The following MTMR14 variants were observed in gnomAD, a reference collection of about 807,000 sequenced individuals.
MTMR14 encodes phosphatidylinositol-3,5-bisphosphate 3-phosphatase MTMR14.
MTMR14 carries 48 observed loss-of-function variants against 86.3 expected under a neutral mutation model. That is an observed-to-expected ratio of 0.56 (90% CI 0.44 to 0.71). The LOEUF is 0.71. MTMR14 is among the 30% of genes least tolerant of loss of function. The pLI, the probability that MTMR14 is intolerant of heterozygous loss-of-function variation, is 0.00. For synonymous variants in MTMR14, 366 were observed against 326.1 expected (o/e 1.12, Z -1.32); for missense variants, 780 against 834.6 (o/e 0.93, Z 0.81).
At chr3:9,692,483 TCAGCGA>T (rs1224102977) in intron 17 of MTMR14, among the ~76,000 whole-genome samples, 2 of 152,234 alleles carry the variant, frequency 1.3e-5, no homozygotes, top group Non-Finnish European at 2.9e-5. Context: ...AAATCTCTCA[TCAGCGA>T]CAGGGTTGAG....
At position 9,697,774 on chromosome 3, in the gene MTMR14, A is replaced by G. The variant is rs745574290; in HGVS notation, c.1677A>G (p.Val559=). 2 of 1,613,992 alleles carry G rather than the reference A, an allele frequency of 1.2e-6. No individual in the cohort carries two copies. Among genetic ancestry groups the G allele is most frequent in the South Asian group, 2.2e-5 (2 of 91,082 alleles). ...CAGACTATGGCAGCTGGCAGATGGT[A>G]ACGGGCTGTGGCAGTATTCAGGAGC... is the stretch of plus-strand genomic sequence containing the variant. ...LSTDYGSWQM[V]TGCGSIQERA... Residue 559 remains valine, a synonymous_variant, in exon 18 of 19, where the codon GTA becomes GTG. Transcript: ENST00000296003.
In MTMR14 at chr3:9,677,717, A is replaced by G. The variant is rs1343551473; in HGVS notation, c.823-267A>G. ...CTTCCCCAGCCTGTAGGGGCAGGCT[A>G]TGGGAAACCTGCCGGAAGCTGAACA... On this transcript the variant is annotated intron_variant, in intron 8 of 18. Coordinates refer to ENST00000296003, the MANE Select transcript of MTMR14 (RefSeq NM_001077525.3). The surrounding 1 kb of genome is among the most constrained non-coding windows in gnomAD (Gnocchi z 4.2). Among the ~76,000 whole-genome samples, 3 of 152,168 alleles carry G rather than the reference A, an allele frequency of 2.0e-5. No individual in the cohort carries two copies. Among genetic ancestry groups the G allele is most frequent in the South Asian group, 2.1e-4 (1 of 4,838 alleles).
chr3:9,651,340 C>T (rs1343599553), intron 1 of MTMR14, among the ~76,000 whole-genome samples: 2 of 151,416 alleles, frequency 1.3e-5, no homozygotes, highest in Non-Finnish European at 1.5e-5. Context: ...TAAGCTCAAG[C>T]AATCCTCCCA....
intron 9 of MTMR14, among the ~76,000 whole-genome samples, chr3:9,680,579 C>T (rs1405272539): frequency 2.0e-5 from 3 of 152,230 alleles, no homozygotes; most frequent in Non-Finnish European, 4.4e-5. Context: ...GGCACGGTGG[C>T]TCATGCCTGT....
rs1559621863 is a variant in MTMR14, at chr3:9,697,704, GC to G, written c.1614-3del. ...ATCCTCTCCCCTCTCTCTCCTCTCT[GC>G]CCCAGATCAGTGGACCATCCCCTGC... is the stretch of plus-strand genomic sequence containing the variant. On this transcript the variant is annotated splice_region_variant and splice_polypyrimidine_tract_variant and intron_variant, in intron 17 of 18. Transcript: ENST00000296003. The G allele has an allele frequency of 6.2e-7, 1 of 1,613,542 alleles. No individual in the cohort carries two copies. Among genetic ancestry groups the G allele is most frequent in the South Asian group, 1.1e-5 (1 of 91,028 alleles).
intron 6 of MTMR14, among the ~76,000 whole-genome samples, chr3:9,671,988 T>C (rs2048588448): frequency 6.6e-6 from 1 of 152,216 alleles, no homozygotes; most frequent in Non-Finnish European, 1.5e-5. Flanking sequence ...TATTTTCAGA[T>C]GCTGTTTGTT....
At chr3:9,687,541 C>T (rs1365041549) in intron 13 of MTMR14, among the ~76,000 whole-genome samples, 2 of 150,814 alleles carry the variant, frequency 1.3e-5, no homozygotes, top group Admixed American at 6.6e-5. Flanking sequence ...GGTGACAGAG[C>T]GAGACTCTGT....
rs2047442965 is a variant in MTMR14 at position 9,653,728 on chromosome 3, C to T, written c.267C>T (p.Ile89=). 3 of 1,614,148 alleles carry T rather than the reference C, an allele frequency of 1.9e-6. No individual in the cohort carries two copies. The highest frequency in any genetic ancestry group is 4.5e-5 in the East Asian group (2 of 44,888). ...TCTGTGGCCACTATCCCCGGCACAT[C>T]GTGTTCCTGGAGTATGAGAGTTCTG... The part of the protein sequence containing the change: ...GDICGHYPRH[I]VFLEYESSEK... The change falls in exon 2 of 19, where the codon ATC becomes ATT. Residue 89 remains isoleucine, a synonymous_variant. Transcript: ENST00000296003.
At chr3:9,650,330 G>T (rs1423102019) in intron 1 of MTMR14, 4 of 456,362 alleles carry the variant, frequency 8.8e-6, no homozygotes, top group Non-Finnish European at 1.8e-5. Context: ...CCACCCAGTC[G>T]TCTTATCGCC....
At chr3:9,680,058 C>T (rs1397232561) in intron 9 of MTMR14, among the ~76,000 whole-genome samples, 1 of 152,184 alleles carries the variant, frequency 6.6e-6, no homozygotes, top group African/African-American at 2.4e-5. Flanking sequence ...TCGTCCACAC[C>T]ATGAGCCCAC....
intron 3 of MTMR14, among the ~76,000 whole-genome samples, chr3:9,665,205 C>A (rs1414573069): frequency 6.6e-6 from 1 of 151,416 alleles, no homozygotes; most frequent in Non-Finnish European, 1.5e-5. Context: ...TTGCTTGAAC[C>A]CAGGAGGCAG....
chr3:9,686,386 G>T (rs2075955045), intron 13 of MTMR14, among the ~76,000 whole-genome samples: 1 of 152,140 alleles, frequency 6.6e-6, no homozygotes. Flanking sequence ...GCAGAGGGTG[G>T]GGCTGAACCA....
At chr3:9,682,757 A>T (rs920302556) in intron 9 of MTMR14, among the ~76,000 whole-genome samples, 4 of 152,242 alleles carry the variant, frequency 2.6e-5, no homozygotes, top group Non-Finnish European at 4.4e-5. Context: ...ATGAATCTTT[A>T]TGTGGCCATT....
At chr3:9,692,546 C>G (rs997034779) in intron 17 of MTMR14, among the ~76,000 whole-genome samples, 5 of 152,268 alleles carry the variant, frequency 3.3e-5, no homozygotes, top group Non-Finnish European at 7.3e-5. Flanking sequence ...ATGCCTCCCC[C>G]AGCTCTGGTT....
intron 3 of MTMR14, among the ~76,000 whole-genome samples, chr3:9,664,748 C>G (rs566335990): frequency 4.6e-5 from 7 of 151,666 alleles, no homozygotes; most frequent in Admixed American, 2.6e-4. Flanking sequence ...TTACCAGAGA[C>G]TAGGAAAGGG....
chr3:9,678,030 C>G lies in MTMR14; in HGVS notation c.869C>G (p.Ser290Cys). 1.9e-6 allele frequency: 3 copies of G among 1,614,102 alleles called. No homozygotes were observed. Among genetic ancestry groups the G allele is most frequent in the Non-Finnish European group, 2.5e-6 (3 of 1,180,016 alleles). ...PLSIPDFLTH[S>C]LNIDWSQYQC... ...AGCATCCCCGACTTCCTGACTCACTCTCTGAACATTGACTGGAGCCAGTAT... is the reference window on the plus strand; with the variant it reads ...AGCATCCCCGACTTCCTGACTCACTGTCTGAACATTGACTGGAGCCAGTAT... Residue 290 changes from serine (S) to cysteine (C), a missense_variant, in exon 9 of 19, where the codon TCT becomes TGT. Physicochemically the swap from Ser to Cys is moderately radical, Grantham distance 112 (BLOSUM62 -1). Coordinates refer to ENST00000296003, the MANE Select transcript of MTMR14 (RefSeq NM_001077525.3).
intron 18 of MTMR14, chr3:9,700,806 C>T (rs2076430420): frequency 6.6e-6 from 1 of 151,886 alleles, no homozygotes; most frequent in South Asian, 2.1e-4. Flanking sequence ...AAGGCTGGGG[C>T]CTTTTTTTTC....
rs73021418 is a variant in MTMR14, at chr3:9,696,073, A to G, written c.1614-1638A>G. The stretch of plus-strand genomic sequence containing the variant: ...CACCTTCTAGAGTTTAGCAGGAATG[A>G]TGAATGTGACAAGTCTGTATGTTGT... On this transcript the variant is annotated intron_variant, in intron 17 of 18. Transcript: ENST00000296003. 3.6e-3 allele frequency among the ~76,000 whole-genome samples: 541 copies of G among 152,340 alleles called. 3 individuals carry two copies. Among genetic ancestry groups the G allele is most frequent in the Non-Finnish European group, 6.3e-3 (430 of 68,026 alleles).
intron 3 of MTMR14, among the ~76,000 whole-genome samples, chr3:9,663,142 C>T (rs1186769227): frequency 6.6e-6 from 1 of 151,882 alleles, no homozygotes; most frequent in Admixed American, 6.6e-5. Context: ...AGCAACGGTG[C>T]GAAAATTGGT....
Sources: gnomAD v4.1 joint callset for allele counts (sites outside exome capture counted in the v4.1 genomes callset) on GRCh38, gnomAD v4.1.1 for gene constraint, Gnocchi (gnomAD v3.1) non-coding constraint, MANE v1.5 for transcripts, NCBI Gene and HGNC (gene_info 2026-07-23, HGNC 2026-07-21) for gene names.